Variants in NHLRC2 observed in about 807,000 individuals in gnomAD.
The protein encoded by NHLRC2 is NHL repeat containing 2, also known as NHL repeat-containing protein 2.
In NHLRC2, 33 loss-of-function variants were observed where a neutral mutation model predicts 68.1. The ratio of observed to expected loss-of-function variants is 0.48; its 90% confidence interval spans 0.37 to 0.65. The LOEUF (loss-of-function observed/expected upper bound fraction) is 0.65, where lower values mean the gene tolerates loss of function less well. Among genes scored for constraint, NHLRC2 ranks in the 30% least tolerant of loss-of-function variants. The probability of loss-of-function intolerance (pLI) is 0.00; values close to 1 mark genes in which losing one functional copy is unlikely to be tolerated. For synonymous variants in NHLRC2, 311 were observed against 309.6 expected (o/e 1.00, Z -0.05); for missense variants, 761 against 853.8 (o/e 0.89, Z 1.35).
chr10:113,854,838 G>A lies in NHLRC2; in HGVS notation c.-35G>A. Reference sequence around the variant, plus strand: ...GTCTCTCCCAGCGAGACTCTCCCGCGGGCCCGGCGGCCGCATCGGGAGCCC... The same window carrying A: ...GTCTCTCCCAGCGAGACTCTCCCGCAGGCCCGGCGGCCGCATCGGGAGCCC... On this transcript the variant is annotated 5_prime_UTR_variant, in exon 1 of 11. Transcript: ENST00000369301. 6 of 1,520,026 alleles carry A rather than the reference G, an allele frequency of 3.9e-6. No individual in the cohort carries two copies. Among genetic ancestry groups the A allele is most frequent in the South Asian group, 1.2e-5 (1 of 80,096 alleles). 94.2% of individuals were successfully genotyped at this position (1,520,026 alleles called of 1,614,324 possible).
intron 5 of NHLRC2, among the ~76,000 whole-genome samples, chr10:113,886,065 A>C (rs1029530738): frequency 6.6e-6 from 1 of 152,102 alleles, no homozygotes; most frequent in Non-Finnish European, 1.5e-5. Flanking sequence ...ATCAACATAC[A>C]AAAATTAATA....
In NHLRC2 at chr10:113,902,559, A is replaced by G; in HGVS notation, c.1460A>G (p.Asn487Ser). Residue 487 changes from asparagine (N) to serine (S), a missense_variant, in exon 8 of 11, where the codon AAT becomes AGT. Asn to Ser is a conservative substitution (Grantham distance 46). Coordinates refer to ENST00000369301, the MANE Select transcript of NHLRC2 (RefSeq NM_198514.4). ...PLGVTWDKKR[N>S]LLYVADSYNH... ...GGAGTAACATGGGACAAAAAAAGGA[A>G]TTTACTTTATGTTGCAGACTCCTAC... 6.2e-7 allele frequency: 1 copy of G among 1,610,114 alleles called. No homozygotes were observed. The highest frequency in any genetic ancestry group is 2.2e-5 in the East Asian group (1 of 44,786).
At chr10:113,904,103 T>G (rs757567135) in intron 9 of NHLRC2, among the ~76,000 whole-genome samples, 26 of 151,392 alleles carry the variant, frequency 1.7e-4, no homozygotes, top group Admixed American at 3.9e-4. Context: ...TTTTTGTTTT[T>G]TTTTTTTTTT....
intron 2 of NHLRC2, among the ~76,000 whole-genome samples, chr10:113,874,674 G>A (rs1845962206): frequency 6.6e-6 from 1 of 151,680 alleles, no homozygotes; most frequent in Admixed American, 6.6e-5. Flanking sequence ...CTTTTTCTGG[G>A]ATTCCAGTAT....
In NHLRC2 at chr10:113,876,796, C is replaced by A. The variant is rs1055252494; in HGVS notation, c.607C>A (p.Gln203Lys). Residue 203 changes from glutamine (Q) to lysine (K), a missense_variant, in exon 3 of 11, where the codon CAG (glutamine) becomes AAG (lysine). Physicochemically the swap from Gln to Lys is moderately conservative, Grantham distance 53. Transcript: ENST00000369301. ...IALKYYKDRG[Q>K]IRDNKIGIKL... is the part of the protein sequence containing the mutation. ...TTTAAAGTATTACAAAGACAGGGGG[C>A]AGATCAGAGATAATAAAATTGGAAT... 1 of 1,611,656 alleles carries A rather than the reference C, an allele frequency of 6.2e-7. No homozygotes were observed. Among genetic ancestry groups the A allele is most frequent in the Non-Finnish European group, 8.5e-7 (1 of 1,178,000 alleles).
chr10:113,870,696 C>T (rs574737897), intron 2 of NHLRC2, among the ~76,000 whole-genome samples: 18 of 152,262 alleles, frequency 1.2e-4, no homozygotes, highest in African/African-American at 4.3e-4. Context: ...TATGTAGTTT[C>T]GTTAGGTATT....
At chr10:113,896,304 G>A (rs987398378) in intron 5 of NHLRC2, among the ~76,000 whole-genome samples, 7 of 151,858 alleles carry the variant, frequency 4.6e-5, no homozygotes. Context: ...AAGAAAATGT[G>A]GCACATATAC....
rs570639977 is a variant in NHLRC2 at position 113,878,674 on chromosome 10, C to T, written c.788-900C>T. Among the ~76,000 whole-genome samples the T allele has an allele frequency of 4.6e-5, 7 of 152,252 alleles. No homozygotes were observed. In the South Asian group the frequency reaches 1.2e-3, roughly 27 times the overall value. ...TTCCAAGTAGCTGGGATTACAGGTG[C>T]CTACCACCATGCCTGGCTAATTTTT... On this transcript the variant is annotated intron_variant, in intron 3 of 10. Transcript: ENST00000369301.
At chr10:113,904,757 C>T in intron 9 of NHLRC2, 60 bp from the exon 10 acceptor site, 2 of 1,241,234 alleles carry the variant, frequency 1.6e-6, no homozygotes, top group African/African-American at 1.5e-5. Context: ...AAAATATGCT[C>T]TCATTCTATA....
chr10:113,903,773 T>C (rs1564859193), intron 9 of NHLRC2, 37 bp downstream of exon 9: 3 of 1,207,030 alleles, frequency 2.5e-6, no homozygotes, highest in Non-Finnish European at 3.7e-6. Context: ...AGAATGTGGT[T>C]TTAAGAATGA....
chr10:113,858,184 C>A (rs985534197), intron 1 of NHLRC2, among the ~76,000 whole-genome samples: 1 of 151,824 alleles, frequency 6.6e-6, no homozygotes, highest in African/African-American at 2.4e-5. Context: ...ATCCTCTACT[C>A]CTCCTGCTCC....
intron 4 of NHLRC2, among the ~76,000 whole-genome samples, chr10:113,881,579 C>T (rs1846036457): frequency 6.6e-6 from 1 of 151,620 alleles, no homozygotes; most frequent in African/African-American, 2.4e-5. Flanking sequence ...CTTCCCCATA[C>T]CCCCAACTCT....
intron 5 of NHLRC2, among the ~76,000 whole-genome samples, chr10:113,896,689 GAAAA>G (rs1206134819): frequency 6.6e-6 from 1 of 151,340 alleles, no homozygotes; most frequent in Non-Finnish European, 1.5e-5. Context: ...ATAAATAAAA[GAAAA>G]AAAAGTATTT....
At chr10:113,870,167 A>T (rs987256457) in intron 2 of NHLRC2, among the ~76,000 whole-genome samples, 1 of 152,156 alleles carries the variant, frequency 6.6e-6, no homozygotes, top group African/African-American at 2.4e-5. Context: ...AAATTATGTT[A>T]TTCATCTAAA....
rs1194251593 is a variant in NHLRC2 at position 113,912,314 on chromosome 10, A to G, written c.*3778A>G. ...GGACCATAAACACATATCACCCTAC[A>G]TTTTCTTTGCAACTACAATTTGTGA... On this transcript the variant is annotated 3_prime_UTR_variant, in exon 11 of 11. Coordinates refer to ENST00000369301, the MANE Select transcript of NHLRC2 (RefSeq NM_198514.4). 6.6e-6 allele frequency: 1 copy of G among 152,126 alleles called. No individual in the cohort carries two copies. Among genetic ancestry groups the G allele is most frequent in the Admixed American group, 6.6e-5 (1 of 15,252 alleles). 9.4% of individuals were successfully genotyped at this position (152,126 alleles called of 1,614,324 possible).
intron 2 of NHLRC2, among the ~76,000 whole-genome samples, chr10:113,876,146 C>T (rs1254198596): frequency 6.6e-6 from 1 of 150,874 alleles, no homozygotes. Context: ...ATAAATACCT[C>T]CCAAAAGCAG....
intron 2 of NHLRC2, among the ~76,000 whole-genome samples, chr10:113,874,358 C>G (rs1271063518): frequency 6.6e-6 from 1 of 151,984 alleles, no homozygotes; most frequent in Non-Finnish European, 1.5e-5. Context: ...GTCCTTCCCA[C>G]TCCTCCCCAC....
chr10:113,859,524 A>T (rs898376159), intron 2 of NHLRC2, among the ~76,000 whole-genome samples: 2 of 152,204 alleles, frequency 1.3e-5, no homozygotes, highest in Non-Finnish European at 2.9e-5. Context: ...CTTCAGTGCA[A>T]CTGAAACTTC....
chr10:113,874,211 A>G (rs1845957056), intron 2 of NHLRC2, among the ~76,000 whole-genome samples: 1 of 152,202 alleles, frequency 6.6e-6, no homozygotes, highest in Non-Finnish European at 1.5e-5. Flanking sequence ...TACACTAGGT[A>G]CTATGCTAAA....
Sources: allele counts gnomAD v4.1 joint callset (sites outside exome capture counted in the v4.1 genomes callset), GRCh38; gene constraint gnomAD v4.1.1; transcripts MANE v1.5; gene names NCBI Gene and HGNC (gene_info 2026-07-23, HGNC 2026-07-21).